Variants in XYLT1 observed in about 807,000 individuals in gnomAD.
XYLT1 encodes beta-D-xylosyltransferase 1.
Under a neutral mutation model 91.3 loss-of-function variants are expected in XYLT1, and 36 were observed. The ratio of observed to expected loss-of-function variants is 0.39; its 90% CI spans 0.30 to 0.52. The LOEUF (loss-of-function observed/expected upper bound fraction) is 0.52. Ranked by LOEUF, XYLT1 falls within the 20% of genes least tolerant of loss-of-function variation. XYLT1 has a pLI of 0.68. For missense variants in XYLT1, 1,242 were observed against 1,284.5 expected (o/e 0.97, Z 0.51); for synonymous variants, 588 against 532.0 (o/e 1.11, Z -1.45).
intron 1 of XYLT1, among the ~76,000 whole-genome samples, chr16:17,431,935 A>G (rs957242888): frequency 6.6e-6 from 1 of 152,190 alleles, no homozygotes. Flanking sequence ...TTGCTGGGGG[A>G]TATAATGTGA....
intron 1 of XYLT1, among the ~76,000 whole-genome samples, chr16:17,386,434 G>T (rs909386119): frequency 3.3e-5 from 5 of 152,202 alleles, no homozygotes; most frequent in Non-Finnish European, 7.3e-5. Flanking sequence ...GGGATTAACA[G>T]CAGAGTTGCT....
intron 3 of XYLT1, among the ~76,000 whole-genome samples, chr16:17,201,416 A>G (rs1350246272): frequency 6.6e-6 from 1 of 152,180 alleles, no homozygotes; most frequent in Non-Finnish European, 1.5e-5. Flanking sequence ...AACCAAGTTA[A>G]TTAACCAATA....
At chr16:17,338,036 G>C (rs1189543011) in intron 2 of XYLT1, 1 of 368,804 alleles carries the variant, frequency 2.7e-6, no homozygotes, top group African/African-American at 2.1e-5. Context: ...CCAAAGTGCT[G>C]GGATTATAGG....
chr16:17,176,210 T>C (rs1046423945), intron 5 of XYLT1, among the ~76,000 whole-genome samples: 3 of 152,216 alleles, frequency 2.0e-5, no homozygotes, highest in Admixed American at 6.5e-5. Context: ...TGCCAGGCAC[T>C]GTACCAGGAA....
intron 3 of XYLT1, among the ~76,000 whole-genome samples, chr16:17,237,315 A>C (rs2033264333): frequency 6.6e-6 from 1 of 152,176 alleles, no homozygotes; most frequent in Admixed American, 6.5e-5. Flanking sequence ...TCCAAAATAC[A>C]TTAGAGAAAC....
At chr16:17,127,262 AG>A (rs754742621) in intron 10 of XYLT1, among the ~76,000 whole-genome samples, 7 of 152,368 alleles carry the variant, frequency 4.6e-5, no homozygotes, top group South Asian at 2.1e-4. Flanking sequence ...AACTAAGCAT[AG>A]GATTTGTGGC....
chr16:17,266,883 T>C (rs1297012758), intron 2 of XYLT1, among the ~76,000 whole-genome samples: 1 of 152,148 alleles, frequency 6.6e-6, no homozygotes, highest in Admixed American at 6.5e-5. Flanking sequence ...AAGCACAGTG[T>C]GTGTGGCTGT....
chr16:17,464,489 C>CAA lies in XYLT1; in HGVS notation c.363+5943_363+5944dup, dbSNP rs34575069. Among the ~76,000 whole-genome samples the CAA allele has an allele frequency of 8.0e-3, 965 of 119,998 alleles. 14 individuals carry two copies. Among genetic ancestry groups the CAA allele is most frequent in the African/African-American group, 0.02 (628 of 31,420 alleles). The allele number at this position is 119,998 out of a possible 152,430, so 78.7% of individuals were successfully genotyped here. On this transcript the variant is annotated intron_variant, in intron 1 of 11. Coordinates refer to ENST00000261381, the MANE Select transcript of XYLT1 (RefSeq NM_022166.4). ...GCCGGGCAACAGAGCAAAACTGTCT[C>CAA]AAAAAAAAAAAAAAAAAAAGGAGCT...
intron 1 of XYLT1, among the ~76,000 whole-genome samples, chr16:17,379,474 G>A (rs1351674361): frequency 6.6e-6 from 1 of 152,196 alleles, no homozygotes; most frequent in Non-Finnish European, 1.5e-5. Flanking sequence ...AAACTGGAAT[G>A]GCATGAAAAT....
chr16:17,215,086 C>T (rs1406366499), intron 3 of XYLT1, among the ~76,000 whole-genome samples: 2 of 152,134 alleles, frequency 1.3e-5, no homozygotes, highest in Admixed American at 1.3e-4. Context: ...CCGAGTGTGG[C>T]GGCTCATGCC....
intron 10 of XYLT1, among the ~76,000 whole-genome samples, chr16:17,122,619 T>C (rs981491617): frequency 6.6e-6 from 1 of 152,248 alleles, no homozygotes; most frequent in Non-Finnish European, 1.5e-5. Context: ...TTTGTTTTTG[T>C]TGCATTTGCT....
chr16:17,169,251 A>C (rs567281698), intron 5 of XYLT1, among the ~76,000 whole-genome samples: 11 of 152,338 alleles, frequency 7.2e-5, no homozygotes, highest in Non-Finnish European at 1.5e-4. Context: ...TGCTGGGGAC[A>C]CCAGGGGGAC....
At chr16:17,187,839 T>C (rs2032220383) in intron 5 of XYLT1, among the ~76,000 whole-genome samples, 2 of 152,090 alleles carry the variant, frequency 1.3e-5, no homozygotes, top group Admixed American at 1.3e-4. Flanking sequence ...ATATTCTTTC[T>C]CACATTCACT....
chr16:17,429,065 A>C (rs1009959508), intron 1 of XYLT1, among the ~76,000 whole-genome samples: 4 of 152,218 alleles, frequency 2.6e-5, no homozygotes, highest in Non-Finnish European at 5.9e-5. Context: ...TTCTTTAAGA[A>C]GCACCCGTCT....
intron 2 of XYLT1, chr16:17,338,356 T>C (rs1371295616): frequency 2.2e-6 from 1 of 456,540 alleles, no homozygotes; most frequent in Non-Finnish European, 4.4e-6. Context: ...CCTGGGCCTG[T>C]GCCTGCCTTA....
intron 8 of XYLT1, among the ~76,000 whole-genome samples, chr16:17,136,319 G>GGCAACTGAGTAAA (rs2030719254): frequency 6.6e-6 from 1 of 152,102 alleles, no homozygotes; most frequent in Non-Finnish European, 1.5e-5. Context: ...CCAGGACTGA[G>GGCAACTGAGTAAA]GCAACTGAGT....
intron 2 of XYLT1, among the ~76,000 whole-genome samples, chr16:17,308,562 G>T (rs1247752427): frequency 6.6e-6 from 1 of 152,098 alleles, no homozygotes; most frequent in Non-Finnish European, 1.5e-5. Context: ...GTTCAAAGAC[G>T]GAAACTGTAT....
At chr16:17,357,446 A>G (rs538682043) in intron 2 of XYLT1, among the ~76,000 whole-genome samples, 1 of 152,290 alleles carries the variant, frequency 6.6e-6, no homozygotes, top group East Asian at 1.9e-4. Context: ...CCTAGCTCCC[A>G]GGAAGGCAGA....
intron 6 of XYLT1, among the ~76,000 whole-genome samples, chr16:17,148,751 T>C (rs7203519): frequency 0.99 from 150,310 of 152,320 alleles, 74,183 homozygotes; most frequent in Middle Eastern, 1. Context: ...TTTGATGCCC[T>C]GATTCACCAT....
Sources: gnomAD v4.1 joint callset for allele counts (sites outside exome capture counted in the v4.1 genomes callset) on GRCh38, gnomAD v4.1.1 for gene constraint, MANE v1.5 for transcripts, NCBI Gene and HGNC (gene_info 2026-07-23, HGNC 2026-07-21) for gene names.